The following VAV3 variants were observed in gnomAD, a reference collection of about 807,000 sequenced individuals.
The protein encoded by VAV3 is guanine nucleotide exchange factor VAV3.
In VAV3, 94 loss-of-function variants were observed where a neutral mutation model predicts 131.2. The observed-to-expected ratio is 0.72, with a 90% CI of 0.61 to 0.85. The LOEUF (loss-of-function observed/expected upper bound fraction) is 0.85, where lower values mean the gene tolerates loss of function less well. VAV3 is among the 40% of genes least tolerant of loss of function. The pLI is 0.00. For missense variants in VAV3, 939 were observed against 1,002.7 expected, an observed-to-expected ratio of 0.94 and a Z score of 0.86; for synonymous variants, 349 against 342.0, an observed-to-expected ratio of 1.02 and a Z score of -0.22.
At chr1:107,737,286 T>C (rs1246971809) in intron 15 of VAV3, among the ~76,000 whole-genome samples, 4 of 152,178 alleles carry the variant, frequency 2.6e-5, no homozygotes, top group South Asian at 4.1e-4. Flanking sequence ...ATTCAGGACA[T>C]AGGCATGGGC....
At chr1:107,734,370 A>G (rs1490748687) in intron 15 of VAV3, among the ~76,000 whole-genome samples, 1 of 152,200 alleles carries the variant, frequency 6.6e-6, no homozygotes, top group Non-Finnish European at 1.5e-5. Context: ...TATTAACCTT[A>G]AATGTAAATG....
intron 2 of VAV3, among the ~76,000 whole-genome samples, chr1:107,870,635 G>C (rs1670210545): frequency 6.6e-6 from 1 of 151,970 alleles, no homozygotes; most frequent in Non-Finnish European, 1.5e-5. Context: ...AAGCTCTTTA[G>C]TTTAATTCTT....
intron 2 of VAV3, among the ~76,000 whole-genome samples, chr1:107,868,950 G>C (rs760040197): frequency 2.0e-5 from 3 of 152,174 alleles, no homozygotes; most frequent in Non-Finnish European, 4.4e-5. Flanking sequence ...ACTTCACAGG[G>C]TGTCACTAGG....
chr1:107,621,353 C>T (rs1653587403), intron 20 of VAV3, among the ~76,000 whole-genome samples: 1 of 151,836 alleles, frequency 6.6e-6, no homozygotes, highest in Non-Finnish European at 1.5e-5. Flanking sequence ...TATATAATAA[C>T]TTCTACTTAT....
At chr1:107,943,373 C>A (rs935392907) in intron 1 of VAV3, among the ~76,000 whole-genome samples, 1 of 152,122 alleles carries the variant, frequency 6.6e-6, no homozygotes, top group Non-Finnish European at 1.5e-5. Flanking sequence ...CCTCCAGGGC[C>A]TTCATTTGGC....
At chr1:107,758,216 T>C (rs1277328900) in intron 10 of VAV3, among the ~76,000 whole-genome samples, 1 of 152,178 alleles carries the variant, frequency 6.6e-6, no homozygotes, top group Non-Finnish European at 1.5e-5. Context: ...ACTTTGATCC[T>C]GCCCCCTTGG....
intron 15 of VAV3, among the ~76,000 whole-genome samples, chr1:107,718,338 T>C (rs1661251398): frequency 6.6e-6 from 1 of 152,180 alleles, no homozygotes; most frequent in Non-Finnish European, 1.5e-5. Context: ...CTCTTTAAGA[T>C]GATAAGCAAC....
chr1:107,648,901 C>T (rs765096422), intron 19 of VAV3, among the ~76,000 whole-genome samples: 11 of 151,938 alleles, frequency 7.2e-5, no homozygotes, highest in Non-Finnish European at 1.6e-4. Context: ...TGAGTACCCG[C>T]CACATGTCTG....
chr1:107,669,646 T>C (rs1371052050), intron 19 of VAV3, among the ~76,000 whole-genome samples: 8 of 152,204 alleles, frequency 5.3e-5, no homozygotes, highest in Non-Finnish European at 1.0e-4. Context: ...ATTGTTTAAA[T>C]TGGTGTTTCT....
At chr1:107,802,396 T>C (rs889274720) in intron 2 of VAV3, among the ~76,000 whole-genome samples, 20 of 152,184 alleles carry the variant, frequency 1.3e-4, no homozygotes, top group African/African-American at 4.6e-4. Flanking sequence ...TTATGTTGAA[T>C]AAAAATGGGC....
In VAV3 at chr1:107,884,434, T is replaced by TATC. The variant is rs1185938820; in HGVS notation, c.205-9418_205-9417insGAT. On this transcript the variant is annotated intron_variant, in intron 1 of 26. Coordinates refer to ENST00000370056, the MANE Select transcript of VAV3 (RefSeq NM_006113.5). ...TTATTATTATTATTATTATTATTAT[T>TATC]ATTATTATTATTATTATTTTGAGAC... Among the ~76,000 whole-genome samples the TATC allele has an allele frequency of 2.5e-4, 36 of 145,142 alleles. 1 individual carries two copies. In the South Asian group the frequency reaches 3.9e-3, roughly 16 times the overall value.
chr1:107,721,607 C>G (rs147878271), intron 15 of VAV3, among the ~76,000 whole-genome samples: 168 of 152,258 alleles, frequency 1.1e-3, no homozygotes, highest in Non-Finnish European at 1.7e-3. Flanking sequence ...TTCAACCCAA[C>G]AGCAGATGGG....
intron 19 of VAV3, among the ~76,000 whole-genome samples, chr1:107,646,958 A>T (rs1655783274): frequency 6.6e-6 from 1 of 151,854 alleles, no homozygotes; most frequent in Non-Finnish European, 1.5e-5. Context: ...ACTCCAAATG[A>T]CACATGTGCT....
chr1:107,890,236 T>A (rs986853909), intron 1 of VAV3, among the ~76,000 whole-genome samples: 2 of 152,180 alleles, frequency 1.3e-5, no homozygotes, highest in African/African-American at 4.8e-5. Context: ...TGTACATATA[T>A]CATATATATT....
At chr1:107,848,196 C>G (rs1211757613) in intron 2 of VAV3, among the ~76,000 whole-genome samples, 1 of 151,840 alleles carries the variant, frequency 6.6e-6, no homozygotes, top group Non-Finnish European at 1.5e-5. Context: ...GCCTGTAGTC[C>G]CAGCTAATTG....
At chr1:107,620,483 C>T (rs1385270814) in intron 20 of VAV3, among the ~76,000 whole-genome samples, 1 of 152,044 alleles carries the variant, frequency 6.6e-6, no homozygotes, top group African/African-American at 2.4e-5. Flanking sequence ...ATACACGTAG[C>T]CTAGGTGTGT....
At chr1:107,942,009 T>C (rs767194325) in intron 1 of VAV3, among the ~76,000 whole-genome samples, 6 of 152,082 alleles carry the variant, frequency 3.9e-5, no homozygotes, top group Non-Finnish European at 7.4e-5. Flanking sequence ...CCCCTCATCT[T>C]TTCCTGCCTC....
rs188978824 is a variant in VAV3, at chr1:107,607,018, G to A, written c.2015+2913C>T. 2.0e-3 allele frequency among the ~76,000 whole-genome samples: 292 copies of A among 148,752 alleles called. 1 individual carries two copies. The highest frequency in any genetic ancestry group is 6.9e-3 in the African/African-American group (276 of 40,138). On this transcript the variant is annotated intron_variant, in intron 22 of 26. Coordinates refer to ENST00000370056, the MANE Select transcript of VAV3 (RefSeq NM_006113.5). ...CACCCGGGCTGGTGTGCAGTGGTGT[G>A]ATCTCGGCTGCCTGCAACCTCCACC...
intron 1 of VAV3, among the ~76,000 whole-genome samples, chr1:107,876,664 A>C (rs1017167205): frequency 6.6e-6 from 1 of 152,162 alleles, no homozygotes; most frequent in Non-Finnish European, 1.5e-5. Context: ...TAAAAAAACA[A>C]AAGTTAAAAT....
Sources: allele counts gnomAD v4.1 joint callset (sites outside exome capture counted in the v4.1 genomes callset), GRCh38; gene constraint gnomAD v4.1.1; transcripts MANE v1.5; gene names NCBI Gene and HGNC (gene_info 2026-07-23, HGNC 2026-07-21).